CCDC88C: variants seen among roughly 807,000 people sequenced by gnomAD.
CCDC88C encodes coiled-coil and HOOK domain protein 88C.
CCDC88C carries 131 observed loss-of-function variants against 198.8 expected under a neutral mutation model. The ratio of observed to expected loss-of-function variants is 0.66; its 90% CI spans 0.57 to 0.76. The LOEUF (loss-of-function observed/expected upper bound fraction) is 0.76, where lower values mean the gene tolerates loss of function less well. Among genes scored for constraint, CCDC88C ranks in the 30% least tolerant of loss-of-function variants. The pLI is 0.00. For synonymous variants in CCDC88C, 1,166 were observed against 1,114.7 expected (o/e 1.05, Z -0.92); for missense variants, 2,553 against 2,631.6 (o/e 0.97, Z 0.65).
At chr14:91,402,471 A>G (rs1596164619) in intron 3 of CCDC88C, among the ~76,000 whole-genome samples, 1 of 152,352 alleles carries the variant, frequency 6.6e-6, no homozygotes, top group African/African-American at 2.4e-5. Context: ...GCTGCCGTTT[A>G]TGGAAGTCTC....
At chr14:91,277,780 T>C (rs573449575) in intron 29 of CCDC88C, 142 bp downstream of exon 29, 4 of 917,940 alleles carry the variant, frequency 4.4e-6, no homozygotes, top group Non-Finnish European at 6.1e-6. Flanking sequence ...CAGCTAGTGC[T>C]CTAGTCAGCC....
rs749639538 is a variant in CCDC88C at position 91,325,451 on chromosome 14, G to A, written c.1197+459C>T. Among the ~76,000 whole-genome samples, 14 of 152,164 alleles carry A rather than the reference G, an allele frequency of 9.2e-5. No homozygotes were observed. Among genetic ancestry groups the A allele is most frequent in the Non-Finnish European group, 1.9e-4 (13 of 68,036 alleles). ...TGCTGATTTTAGCAAGCTACTCCCC[G>A]CAGTCAACAAGTCATTCGTGGTAGC... is the stretch of plus-strand genomic sequence containing the variant. On this transcript the variant is annotated intron_variant, in intron 11 of 29. Transcript: ENST00000389857. This position sits in a 1 kb window ranked among gnomAD's most constrained non-coding sequence, Gnocchi z 4.1.
chr14:91,299,632 C>T (rs905982336), intron 21 of CCDC88C, among the ~76,000 whole-genome samples: 1 of 152,220 alleles, frequency 6.6e-6, no homozygotes, highest in African/African-American at 2.4e-5. Flanking sequence ...AAGAGGCAGG[C>T]TTATGCCAGA....
At chr14:91,351,318 C>T (rs1052688551) in intron 4 of CCDC88C, among the ~76,000 whole-genome samples, 2 of 152,218 alleles carry the variant, frequency 1.3e-5, no homozygotes, top group Admixed American at 6.5e-5. Context: ...CAGCAGTGCA[C>T]TGAACACGAC....
At chr14:91,378,069 G>A (rs1884559761) in intron 3 of CCDC88C, among the ~76,000 whole-genome samples, 1 of 152,196 alleles carries the variant, frequency 6.6e-6, no homozygotes, top group African/African-American at 2.4e-5. Context: ...CATGACCTCT[G>A]GCCCTGTGGA....
chr14:91,336,780 G>A (rs538959177), intron 10 of CCDC88C, among the ~76,000 whole-genome samples: 9 of 152,320 alleles, frequency 5.9e-5, no homozygotes, highest in African/African-American at 2.2e-4. Flanking sequence ...CCTCGCCACA[G>A]CCTCACCAAC....
intron 13 of CCDC88C, among the ~76,000 whole-genome samples, chr14:91,319,129 TCTG>T (rs967770672): frequency 1.3e-5 from 2 of 152,114 alleles, no homozygotes; most frequent in Non-Finnish European, 2.9e-5. Flanking sequence ...TCGACTGGAA[TCTG>T]ACAGCTGGTG....
chr14:91,314,389 T>C (rs1009791644), intron 14 of CCDC88C, among the ~76,000 whole-genome samples: 4 of 152,158 alleles, frequency 2.6e-5, no homozygotes, highest in Non-Finnish European at 5.9e-5. Context: ...AAAATGTAAA[T>C]ACATCTCTCT....
At chr14:91,363,805 C>T (rs1199378889) in intron 3 of CCDC88C, among the ~76,000 whole-genome samples, 3 of 152,260 alleles carry the variant, frequency 2.0e-5, no homozygotes, top group South Asian at 4.1e-4. Context: ...CTTTGCCCTC[C>T]CCCGCGGGGA....
chr14:91,397,456 A>G (rs1488162033), intron 3 of CCDC88C, among the ~76,000 whole-genome samples: 1 of 151,780 alleles, frequency 6.6e-6, no homozygotes, highest in East Asian at 1.9e-4. Flanking sequence ...ACACACTCAC[A>G]CACACTCTCA....
At position 91,338,830 on chromosome 14, in the gene CCDC88C, A is replaced by T. The variant is rs1252570916; in HGVS notation, c.810-260T>A. On this transcript the variant is annotated intron_variant, in intron 8 of 29. Transcript: ENST00000389857. The surrounding 1 kb of genome is among the most constrained non-coding windows in gnomAD (Gnocchi z 4.8). ...CTCCCTGTGTGTGGGGCAGGTAAGG[A>T]GACCCCAGCGGCAGCTGTACCACCC... 1 of 518,704 alleles carries T rather than the reference A, an allele frequency of 1.9e-6. No homozygotes were observed. Among genetic ancestry groups the T allele is most frequent in the East Asian group, 3.4e-5 (1 of 29,184 alleles). The allele number at this position is 518,704 out of a possible 1,614,324, so 32.1% of individuals were successfully genotyped here.
At chr14:91,279,074 T>A (rs1432897010) in intron 28 of CCDC88C, among the ~76,000 whole-genome samples, 164 bp downstream of exon 28, 4 of 151,914 alleles carry the variant, frequency 2.6e-5, no homozygotes, top group African/African-American at 4.8e-5. Flanking sequence ...GCTAATTTTT[T>A]ATTTTTTTAG....
At chr14:91,389,337 A>T (rs534336871) in intron 3 of CCDC88C, among the ~76,000 whole-genome samples, 1 of 152,240 alleles carries the variant, frequency 6.6e-6, no homozygotes, top group East Asian at 1.9e-4. Context: ...CGGCTTCCCC[A>T]GGGGAAAAGT....
intron 10 of CCDC88C, 67 bp from the exon 11 acceptor site, chr14:91,326,123 A>G: frequency 1.4e-6 from 2 of 1,449,640 alleles, no homozygotes; most frequent in Non-Finnish European, 1.9e-6. Flanking sequence ...ATGGAATTCT[A>G]AAACCAAAAC....
chr14:91,391,449 T>C (rs946641428), intron 3 of CCDC88C, among the ~76,000 whole-genome samples: 1 of 152,302 alleles, frequency 6.6e-6, no homozygotes, highest in Non-Finnish European at 1.5e-5. Context: ...TCTGTACCCC[T>C]TACACAAATA....
At chr14:91,390,409 A>C (rs924866766) in intron 3 of CCDC88C, among the ~76,000 whole-genome samples, 1 of 152,210 alleles carries the variant, frequency 6.6e-6, no homozygotes, top group African/African-American at 2.4e-5. Context: ...TGCAACACCG[A>C]AAGTATGCCC....
intron 17 of CCDC88C, among the ~76,000 whole-genome samples, chr14:91,307,921 G>A (rs578251371): frequency 6.6e-6 from 1 of 152,386 alleles, no homozygotes; most frequent in South Asian, 2.1e-4. Flanking sequence ...TATGGAAAGT[G>A]TGTTCACACA....
In CCDC88C at chr14:91,367,587, C is replaced by A. The variant is rs74084781; in HGVS notation, c.271-7876G>T. On this transcript the variant is annotated intron_variant, in intron 3 of 29. Coordinates refer to ENST00000389857, the MANE Select transcript of CCDC88C (RefSeq NM_001080414.4). Reference sequence around the variant, plus strand: ...CTTGCAGCGAGCAGAGAACTCTCGGCCTGTCTGGGAGGGAGGTAGACAGTG... The same window carrying A: ...CTTGCAGCGAGCAGAGAACTCTCGGACTGTCTGGGAGGGAGGTAGACAGTG... 7.3e-3 allele frequency among the ~76,000 whole-genome samples: 1,116 copies of A among 152,236 alleles called. 13 individuals carry two copies. Among genetic ancestry groups the A allele is most frequent in the African/African-American group, 0.026 (1,060 of 41,526 alleles).
Position 91,313,764 on chromosome 14 carries a change from G to A in CCDC88C, c.2052C>T (p.Thr684=). Residue 684 remains threonine (T), a synonymous_variant, in exon 15 of 30, where the codon ACC becomes ACT. Transcript: ENST00000389857. The surrounding 1 kb of genome is among the most constrained non-coding windows in gnomAD (Gnocchi z 5.2). ...ENRTLRKSLD[T]LQNVSLQLEG... ...CAAGCTGCAGGGACACGTTCTGCAA[G>A]GTGTCCAGAGACTTCCTCAGAGTCC... is the stretch of plus-strand genomic sequence containing the variant. 6.2e-7 allele frequency: 1 copy of A among 1,607,736 alleles called. No individual in the cohort carries two copies. Among genetic ancestry groups the A allele is most frequent in the Non-Finnish European group, 8.5e-7 (1 of 1,179,670 alleles).
Sources: gnomAD v4.1 joint callset for allele counts (sites outside exome capture counted in the v4.1 genomes callset) on GRCh38, gnomAD v4.1.1 for gene constraint, Gnocchi (gnomAD v3.1) non-coding constraint, MANE v1.5 for transcripts, NCBI Gene and HGNC (gene_info 2026-07-23, HGNC 2026-07-21) for gene names.